TRAPPC9: variants seen among roughly 807,000 people sequenced by gnomAD.
The protein encoded by TRAPPC9 is trafficking protein particle complex subunit 9.
Under a neutral mutation model 124.0 loss-of-function variants are expected in TRAPPC9, and 83 were observed. The ratio of observed to expected loss-of-function variants is 0.67; its 90% CI spans 0.56 to 0.80. The LOEUF is 0.80. TRAPPC9 is among the 30% of genes least tolerant of loss of function. The probability of loss-of-function intolerance (pLI) is 0.00; values close to 1 mark genes in which losing one functional copy is unlikely to be tolerated. For synonymous variants in TRAPPC9, 638 were observed against 617.5 expected, an observed-to-expected ratio of 1.03 and a Z score of -0.49; for missense variants, 1,302 against 1,508.3, an observed-to-expected ratio of 0.86 and a Z score of 2.27.
chr8:140,307,442 A>C (rs2066168831), intron 10 of TRAPPC9, among the ~76,000 whole-genome samples: 1 of 152,318 alleles, frequency 6.6e-6, no homozygotes, highest in East Asian at 1.9e-4. Flanking sequence ...AAGGGATCCA[A>C]CTATTTACTC....
At chr8:139,794,486 G>A (rs11993718) in intron 21 of TRAPPC9, among the ~76,000 whole-genome samples, 2,667 of 152,304 alleles carry the variant, frequency 0.018, 74 homozygotes, top group African/African-American at 0.058. Flanking sequence ...GTTTCGTTAG[G>A]CAGGGACTCC....
At chr8:140,310,075 C>T (rs1373240135) in intron 10 of TRAPPC9, among the ~76,000 whole-genome samples, 2 of 152,228 alleles carry the variant, frequency 1.3e-5, no homozygotes, top group African/African-American at 4.8e-5. Flanking sequence ...TTTCATTTGG[C>T]AGTACTATAC....
At chr8:140,151,330 G>A (rs1356132065) in intron 17 of TRAPPC9, among the ~76,000 whole-genome samples, 2 of 152,154 alleles carry the variant, frequency 1.3e-5, no homozygotes, top group African/African-American at 4.8e-5. Context: ...CTTCCCTATG[G>A]GACATCCTTC....
At chr8:140,151,002 C>G (rs1403115284) in intron 17 of TRAPPC9, among the ~76,000 whole-genome samples, 1 of 152,160 alleles carries the variant, frequency 6.6e-6, no homozygotes, top group Non-Finnish European at 1.5e-5. Context: ...AGAACCAAAA[C>G]CAGCAAGATG....
At chr8:140,328,072 T>C (rs2066787145) in intron 9 of TRAPPC9, among the ~76,000 whole-genome samples, 1 of 152,048 alleles carries the variant, frequency 6.6e-6, no homozygotes, top group Non-Finnish European at 1.5e-5. Flanking sequence ...CTGGCCAACA[T>C]GGTGAAACCC....
rs1455137216 is a variant in TRAPPC9 at position 140,337,397 on chromosome 8, A to T, written c.1495+22653T>A. ...ATCCAGAAGGTGCTGCATTTGAGGA[A>T]AGATAAAACAGGAAGAACATTCTAA... On this transcript the variant is annotated intron_variant, in intron 9 of 22. Coordinates refer to ENST00000438773, the MANE Select transcript of TRAPPC9 (RefSeq NM_001160372.4). Among the ~76,000 whole-genome samples, 3 of 152,314 alleles carry T rather than the reference A, an allele frequency of 2.0e-5. No individual in the cohort carries two copies. In the East Asian group the frequency reaches 5.8e-4, roughly 29 times the overall value.
chr8:140,051,570 T>C (rs1178942417), intron 17 of TRAPPC9, among the ~76,000 whole-genome samples: 1 of 143,828 alleles, frequency 7.0e-6, no homozygotes, highest in Non-Finnish European at 1.5e-5. Context: ...GAAAACATTG[T>C]TCATTCTTTT....
chr8:139,784,243 C>T (rs973853425), intron 21 of TRAPPC9, among the ~76,000 whole-genome samples: 1 of 152,158 alleles, frequency 6.6e-6, no homozygotes, highest in African/African-American at 2.4e-5. Context: ...AAAACAGCCA[C>T]TAGAATAAGT....
intron 11 of TRAPPC9, among the ~76,000 whole-genome samples, chr8:140,293,857 A>G (rs1166184981): frequency 6.6e-6 from 1 of 151,944 alleles, no homozygotes; most frequent in Admixed American, 6.5e-5. Flanking sequence ...CTAAAACTTA[A>G]AGTATAATAA....
Position 140,423,609 on chromosome 8 carries a change from C to CACACA in TRAPPC9, c.886+3005_886+3006insTGTGT, listed in dbSNP as rs761963429. 2.0e-5 allele frequency among the ~76,000 whole-genome samples: 3 copies of CACACA among 147,160 alleles called. No homozygotes were observed. The East Asian group carries it at 6.2e-4, about 30-fold the overall frequency. ...ACACACACACACACACACACACACACATCACATATATACACATATACATAC... is the reference window on the plus strand; with the variant it reads ...ACACACACACACACACACACACACACACACAATCACATATATACACATATACATAC... On this transcript the variant is annotated intron_variant, in intron 5 of 22. Coordinates refer to ENST00000438773, the MANE Select transcript of TRAPPC9 (RefSeq NM_001160372.4).
At chr8:139,921,653 C>G (rs1832509839) in intron 19 of TRAPPC9, among the ~76,000 whole-genome samples, 1 of 149,958 alleles carries the variant, frequency 6.7e-6, no homozygotes. Flanking sequence ...ATAGAGGGAG[C>G]ATTACTTGCA....
intron 19 of TRAPPC9, among the ~76,000 whole-genome samples, chr8:139,920,745 T>C (rs1201249952): frequency 1.3e-5 from 2 of 152,256 alleles, no homozygotes; most frequent in Non-Finnish European, 2.9e-5. Context: ...CCACAGCAAC[T>C]GCCTAGGTGA....
chr8:140,023,302 T>G (rs1470777114), intron 18 of TRAPPC9, among the ~76,000 whole-genome samples: 5 of 152,224 alleles, frequency 3.3e-5, no homozygotes, highest in Admixed American at 2.0e-4. Flanking sequence ...AAGTTCTGGA[T>G]GAGAAATATC....
At chr8:139,774,348 G>A (rs986956596) in intron 21 of TRAPPC9, among the ~76,000 whole-genome samples, 9 of 152,176 alleles carry the variant, frequency 5.9e-5, no homozygotes, top group South Asian at 4.1e-4. Flanking sequence ...GACTGGGGGC[G>A]CGGTGGGCTG....
chr8:140,222,329 G>A (rs974118178), intron 16 of TRAPPC9, among the ~76,000 whole-genome samples: 5 of 152,112 alleles, frequency 3.3e-5, no homozygotes, highest in African/African-American at 4.8e-5. Context: ...AGTATCTATC[G>A]ATTGACGGGT....
At chr8:140,083,412 G>A (rs1409496705) in intron 17 of TRAPPC9, among the ~76,000 whole-genome samples, 1 of 152,150 alleles carries the variant, frequency 6.6e-6, no homozygotes, top group East Asian at 1.9e-4. Flanking sequence ...AACATTGAGT[G>A]GAATGGGAAA....
At chr8:140,256,653 T>C (rs1563887966) in intron 15 of TRAPPC9, among the ~76,000 whole-genome samples, 1 of 152,148 alleles carries the variant, frequency 6.6e-6, no homozygotes, top group Admixed American at 6.5e-5. Flanking sequence ...GACACATCTG[T>C]GGGCAGCTGC....
chr8:139,905,648 T>C (rs533483484), intron 20 of TRAPPC9, among the ~76,000 whole-genome samples: 2 of 151,788 alleles, frequency 1.3e-5, no homozygotes, highest in East Asian at 3.9e-4. Flanking sequence ...TTTCCCAGCC[T>C]CTCGTGGGAA....
In TRAPPC9 at chr8:139,731,122, A is replaced by G. The variant is rs1266784959; in HGVS notation, c.3386T>C (p.Leu1129Pro). The G allele has an allele frequency of 3.1e-6, 5 of 1,613,858 alleles. No homozygotes were observed. Among genetic ancestry groups the G allele is most frequent in the Non-Finnish European group, 4.2e-6 (5 of 1,180,034 alleles). Residue 1129 changes from leucine to proline, a missense_variant, in exon 23 of 23, where the codon CTG becomes CCG. Leu to Pro is a moderately conservative substitution (Grantham distance 98). Transcript: ENST00000438773. ...GGGCAGGCAGAACCAAGAGGGTGGC[A>G]GCTCCTTGCTGGTGCTGTCCTCGTG... ...RFHEDSTSKE[L>P]PPSWFCLPSV...
Sources: allele counts gnomAD v4.1 joint callset (sites outside exome capture counted in the v4.1 genomes callset), GRCh38; gene constraint gnomAD v4.1.1; transcripts MANE v1.5; gene names NCBI Gene and HGNC (gene_info 2026-07-23, HGNC 2026-07-21).